Variants in CTNND2 observed in about 807,000 individuals in gnomAD.
CTNND2 encodes the protein catenin delta 2, also known as catenin delta-2.
CTNND2 carries 22 observed loss-of-function variants against 144.4 expected under a neutral mutation model. The ratio of observed to expected loss-of-function variants is 0.15; its 90% CI spans 0.11 to 0.22. The LOEUF (loss-of-function observed/expected upper bound fraction) is 0.22. Ranked by LOEUF, CTNND2 falls within the 10% of genes least tolerant of loss-of-function variation. CTNND2 has a pLI of 1.00. For synonymous variants in CTNND2, 751 were observed against 695.6 expected (o/e 1.08, Z -1.25); for missense variants, 1,353 against 1,618.8 (o/e 0.84, Z 2.82).
chr5:11,888,008 G>A (rs1438851858), intron 1 of CTNND2, among the ~76,000 whole-genome samples: 1 of 152,116 alleles, frequency 6.6e-6, no homozygotes, highest in African/African-American at 2.4e-5. Flanking sequence ...ATCCTTGGAT[G>A]CTAAATTATA....
intron 9 of CTNND2, among the ~76,000 whole-genome samples, chr5:11,310,518 T>C (rs1750686071): frequency 6.6e-6 from 1 of 151,940 alleles, no homozygotes; most frequent in Non-Finnish European, 1.5e-5. Context: ...AAAATCACTG[T>C]AATCTTCCTG....
rs191003601 is a variant in CTNND2, at chr5:11,098,022, G to C, written c.2637+553C>G. 2.2e-4 allele frequency among the ~76,000 whole-genome samples: 33 copies of C among 152,298 alleles called. No homozygotes were observed. The East Asian group carries it at 2.3e-3, about 11-fold the overall frequency. ...TTAGTTTATAAGGACTCAGAAAAAG[G>C]CTGTTCTAATCTCCTCTCCAATCAT... is the stretch of plus-strand genomic sequence containing the variant. On this transcript the variant is annotated intron_variant, in intron 15 of 21. Coordinates refer to ENST00000304623, the MANE Select transcript of CTNND2 (RefSeq NM_001332.4).
chr5:11,647,643 T>A (rs891760333), intron 2 of CTNND2, among the ~76,000 whole-genome samples: 12 of 152,070 alleles, frequency 7.9e-5, no homozygotes, highest in Non-Finnish European at 1.2e-4. Context: ...CACAAACAAT[T>A]CCTGCACCCC....
chr5:11,721,004 A>T (rs1461818001), intron 2 of CTNND2, among the ~76,000 whole-genome samples: 1 of 152,158 alleles, frequency 6.6e-6, no homozygotes, highest in Non-Finnish European at 1.5e-5. Context: ...GTCCACACAA[A>T]CTTGTACACA....
At chr5:11,236,475 C>T (rs186756215) in intron 10 of CTNND2, among the ~76,000 whole-genome samples, 1 of 152,260 alleles carries the variant, frequency 6.6e-6, no homozygotes, top group African/African-American at 2.4e-5. Context: ...ACTATTGGTC[C>T]TCTGTTCCTC....
intron 1 of CTNND2, among the ~76,000 whole-genome samples, chr5:11,735,457 G>A (rs1035376687): frequency 6.6e-6 from 1 of 152,176 alleles, no homozygotes; most frequent in African/African-American, 2.4e-5. Context: ...TGGTCCCTGA[G>A]AAAGCCGCCG....
intron 12 of CTNND2, among the ~76,000 whole-genome samples, chr5:11,129,121 T>TCAATAA: frequency 5.9e-5 from 1 of 17,006 alleles, no homozygotes; most frequent in African/African-American, 1.7e-4. Flanking sequence ...ATATTATATA[T>TCAATAA]AATATATATT....
intron 9 of CTNND2, among the ~76,000 whole-genome samples, chr5:11,329,534 T>C (rs1385690005): frequency 6.6e-6 from 1 of 152,126 alleles, no homozygotes; most frequent in Non-Finnish European, 1.5e-5. Flanking sequence ...TTTCAACATA[T>C]ACATTTGGGG....
chr5:11,364,637 C>T (rs913062498), intron 8 of CTNND2, 59 bp downstream of exon 8: 2 of 1,414,030 alleles, frequency 1.4e-6, no homozygotes, highest in African/African-American at 2.9e-5. Flanking sequence ...GTTATTGAAG[C>T]TCCCGCGCAG....
At chr5:11,824,318 C>T (rs935349188) in intron 1 of CTNND2, among the ~76,000 whole-genome samples, 6 of 152,060 alleles carry the variant, frequency 3.9e-5, no homozygotes, top group African/African-American at 1.4e-4. Context: ...AAACACAACC[C>T]TCTTCTCCAC....
At chr5:11,773,684 C>T (rs915913252) in intron 1 of CTNND2, among the ~76,000 whole-genome samples, 2 of 151,986 alleles carry the variant, frequency 1.3e-5, no homozygotes, top group Non-Finnish European at 2.9e-5. Context: ...GTGGTGCATG[C>T]CTGTAATCCC....
At chr5:11,458,064 G>A (rs1765886235) in intron 3 of CTNND2, among the ~76,000 whole-genome samples, 2 of 152,162 alleles carry the variant, frequency 1.3e-5, no homozygotes, top group African/African-American at 2.4e-5. Flanking sequence ...AAGATTAAAT[G>A]AGTTCATATG....
intron 1 of CTNND2, among the ~76,000 whole-genome samples, chr5:11,796,771 T>C (rs571103642): frequency 2.0e-5 from 3 of 152,250 alleles, no homozygotes; most frequent in African/African-American, 7.2e-5. Context: ...TAAACCTCAA[T>C]TTACACCATC....
At position 11,022,870 on chromosome 5, in the gene CTNND2, T is replaced by C. The variant is rs1228891724; in HGVS notation, c.2898A>G (p.Thr966=). 6.2e-7 allele frequency: 1 copy of C among 1,614,110 alleles called. No homozygotes were observed. The highest frequency in any genetic ancestry group is 8.5e-7 in the Non-Finnish European group (1 of 1,180,034). ...TGTTCTTGGTAATCACTTCGTGCAG[T>C]GTGCAGCAGACAGCTGTCACTGTGT... ...SDDTVTAVCC[T]LHEVITKNME... Residue 966 remains threonine, a synonymous_variant, in exon 17 of 22, where the codon ACA becomes ACG. Transcript: ENST00000304623.
At chr5:11,554,030 T>A (rs931026645) in intron 3 of CTNND2, among the ~76,000 whole-genome samples, 1 of 152,162 alleles carries the variant, frequency 6.6e-6, no homozygotes, top group African/African-American at 2.4e-5. Context: ...AGGCCCTACA[T>A]CAAATTCTTT....
At chr5:11,170,818 T>C (rs2149785997) in intron 11 of CTNND2, among the ~76,000 whole-genome samples, 1 of 152,330 alleles carries the variant, frequency 6.6e-6, no homozygotes, top group South Asian at 2.1e-4. Context: ...AGAGATTTAA[T>C]GGACTTACAA....
chr5:11,591,751 T>C (rs965579426), intron 2 of CTNND2, among the ~76,000 whole-genome samples: 9 of 152,188 alleles, frequency 5.9e-5, no homozygotes, highest in Non-Finnish European at 1.3e-4. Flanking sequence ...TTTTGTGTAT[T>C]TGTGTTTTTG....
At chr5:11,649,129 T>C (rs1002697462) in intron 2 of CTNND2, among the ~76,000 whole-genome samples, 1 of 152,200 alleles carries the variant, frequency 6.6e-6, no homozygotes, top group African/African-American at 2.4e-5. Context: ...AGCATTGTAT[T>C]AACAGCTTTA....
chr5:11,746,945 T>C (rs1420847703), intron 1 of CTNND2, among the ~76,000 whole-genome samples: 1 of 152,148 alleles, frequency 6.6e-6, no homozygotes, highest in East Asian at 1.9e-4. Context: ...AGTATATAGC[T>C]ATAAAAATAG....
Sources: allele counts gnomAD v4.1 joint callset (sites outside exome capture counted in the v4.1 genomes callset), GRCh38; gene constraint gnomAD v4.1.1; transcripts MANE v1.5; gene names NCBI Gene and HGNC (gene_info 2026-07-23, HGNC 2026-07-21).